The following TMEM164 variants were observed in gnomAD, a reference collection of about 807,000 sequenced individuals.
The protein encoded by TMEM164 is transmembrane protein 164, also known as RP13-360B22.2.
A neutral mutation model predicts 18.8 loss-of-function variants in TMEM164; 4 were observed. The ratio of observed to expected loss-of-function variants is 0.21; its 90% CI spans 0.10 to 0.49. The LOEUF (loss-of-function observed/expected upper bound fraction) is 0.49, where lower values mean the gene tolerates loss of function less well. TMEM164 is among the 20% of genes least tolerant of loss of function. The pLI is 0.98. For synonymous variants in TMEM164, 86 were observed against 101.7 expected (o/e 0.85, Z 0.93); for missense variants, 108 against 239.9 (o/e 0.45, Z 3.63).
At chrX:110,038,623 G>A (rs1934955102) in intron 2 of TMEM164, among the ~76,000 whole-genome samples, 1 of 110,384 alleles carries the variant, frequency 9.1e-6, no homozygotes, top group Non-Finnish European at 1.9e-5. Flanking sequence ...AATTGACAGG[G>A]GCCAGTGCCT....
At chrX:110,059,607 C>T (rs1936016313) in intron 2 of TMEM164, among the ~76,000 whole-genome samples, 1 of 112,090 alleles carries the variant, frequency 8.9e-6, no homozygotes. Context: ...GAATAGGAAC[C>T]TGACAATACT....
At chrX:110,020,541 C>G in intron 2 of TMEM164, 4 of 754,438 alleles carry the variant, frequency 5.3e-6, no homozygotes, top group Non-Finnish European at 6.3e-6. Context: ...AAAGAAGACT[C>G]TGACGGAGCA....
rs185306648 is a variant in TMEM164, at chrX:110,153,730, G to A, written c.586+8854G>A. On this transcript the variant is annotated intron_variant, in intron 5 of 6. Transcript: ENST00000372068. ...CCTGTGGCCTAGGATGGATTTGAAT[G>A]TGGCCCAACACAAATTTGTAAACTT... Among the ~76,000 whole-genome samples, 194 of 111,778 alleles carry A rather than the reference G, an allele frequency of 1.7e-3. 1 individual carries two copies. The highest frequency in any genetic ancestry group is 5.9e-3 in the African/African-American group (183 of 30,778).
intron 5 of TMEM164, among the ~76,000 whole-genome samples, chrX:110,146,840 G>A (rs2066862716): frequency 8.9e-6 from 1 of 112,499 alleles, no homozygotes; most frequent in South Asian, 3.6e-4. Flanking sequence ...CTTGCAGAGG[G>A]AGAATGGATC....
intron 4 of TMEM164, among the ~76,000 whole-genome samples, chrX:110,115,580 T>C (rs1295002168): frequency 1.8e-5 from 2 of 111,137 alleles, no homozygotes; most frequent in Non-Finnish European, 3.8e-5. Context: ...GCTTTGAGGG[T>C]CTTAAATCCT....
intron 3 of TMEM164, among the ~76,000 whole-genome samples, chrX:110,098,801 CTT>C (rs759923336): frequency 4.0e-5 from 4 of 98,843 alleles, no homozygotes; most frequent in Non-Finnish European, 4.1e-5. Flanking sequence ...TTTTTTTCTT[CTT>C]TTTTTTTTTT....
intron 3 of TMEM164, among the ~76,000 whole-genome samples, chrX:110,096,419 T>C (rs1225300545): frequency 8.9e-6 from 1 of 112,812 alleles, no homozygotes; most frequent in Admixed American, 9.3e-5. Context: ...GCTGCCGCCT[T>C]GCAGTTCTAT....
At chrX:110,010,508 G>A (rs879183871) in intron 2 of TMEM164, among the ~76,000 whole-genome samples, 2 of 112,678 alleles carry the variant, frequency 1.8e-5, no homozygotes, top group Non-Finnish European at 3.7e-5. Context: ...GTTATAATGC[G>A]GATACCTTGT....
intron 2 of TMEM164, among the ~76,000 whole-genome samples, chrX:110,015,789 C>T (rs1482815725): frequency 1.8e-5 from 2 of 112,137 alleles, no homozygotes; most frequent in Non-Finnish European, 3.8e-5. Flanking sequence ...ACCGCCTCTA[C>T]ATTTGGATCT....
chrX:110,080,212 C>A (rs905555472), intron 3 of TMEM164, among the ~76,000 whole-genome samples: 2 of 111,484 alleles, frequency 1.8e-5, no homozygotes, highest in Non-Finnish European at 3.8e-5. Flanking sequence ...CCTGTTCAGA[C>A]ATGTTAGAAT....
rs190690062 is a variant in TMEM164, at chrX:110,110,053, T to G, written c.507+907T>G. 4.7e-3 allele frequency among the ~76,000 whole-genome samples: 531 copies of G among 112,057 alleles called. 2 individuals carry two copies. Among genetic ancestry groups the G allele is most frequent in the Non-Finnish European group, 6.4e-3 (341 of 53,204 alleles). ...ACAAGGTTTTTCGCATAACAGTGTT[T>G]GAGGTAGACAGGGCAAGAATTATGG... On this transcript the variant is annotated intron_variant, in intron 4 of 6. Coordinates refer to ENST00000372068, the MANE Select transcript of TMEM164 (RefSeq NM_032227.4).
intron 2 of TMEM164, among the ~76,000 whole-genome samples, chrX:110,024,743 G>A (rs1274966916): frequency 2.7e-5 from 3 of 111,924 alleles, no homozygotes; most frequent in Non-Finnish European, 5.6e-5. Context: ...TTACAAGAGG[G>A]CCTTGGGAGA....
At chrX:110,075,181 G>A (rs2065652741) in intron 3 of TMEM164, among the ~76,000 whole-genome samples, 1 of 111,229 alleles carries the variant, frequency 9.0e-6, no homozygotes, top group Admixed American at 9.6e-5. Context: ...CATCTCCTTG[G>A]CTGGATGTAT....
intron 3 of TMEM164, among the ~76,000 whole-genome samples, chrX:110,073,399 T>C (rs894555383): frequency 1.3e-4 from 15 of 112,079 alleles, no homozygotes; most frequent in African/African-American, 4.5e-4. Flanking sequence ...AGTGAGAACA[T>C]GTGGTATTTG....
intron 3 of TMEM164, among the ~76,000 whole-genome samples, chrX:110,090,235 G>A (rs950733154): frequency 1.8e-5 from 2 of 110,118 alleles, no homozygotes; most frequent in Non-Finnish European, 1.9e-5. Context: ...CGCAGGCAAA[G>A]CCAGCCAAGC....
intron 3 of TMEM164, among the ~76,000 whole-genome samples, chrX:110,078,914 G>A (rs762941119): frequency 3.4e-4 from 38 of 112,096 alleles, no homozygotes; most frequent in African/African-American, 1.1e-3. Context: ...TAAAGATAAA[G>A]ATAAAAATTA....
intron 2 of TMEM164, among the ~76,000 whole-genome samples, chrX:110,023,861 G>A (rs1216050832): frequency 8.9e-6 from 1 of 111,857 alleles, no homozygotes. Context: ...CCAATTTTCT[G>A]CAAGCCAATT....
intron 3 of TMEM164, among the ~76,000 whole-genome samples, chrX:110,085,767 T>C (rs1306593470): frequency 8.9e-6 from 1 of 111,950 alleles, no homozygotes; most frequent in Non-Finnish European, 1.9e-5. Context: ...CTCCCACATG[T>C]GTTACTACCT....
intron 5 of TMEM164, among the ~76,000 whole-genome samples, chrX:110,164,215 T>A (rs983548532): frequency 8.9e-5 from 10 of 111,791 alleles, no homozygotes; most frequent in Admixed American, 1.9e-4. Context: ...GAGCTTTGGA[T>A]TCAACCAGGG....
Sources: allele counts gnomAD v4.1 joint callset (sites outside exome capture counted in the v4.1 genomes callset), GRCh38; gene constraint gnomAD v4.1.1; transcripts MANE v1.5; gene names NCBI Gene and HGNC (gene_info 2026-07-23, HGNC 2026-07-21).